CXXC5: variants seen among roughly 807,000 people sequenced by gnomAD.
CXXC5 encodes CXXC finger protein 5.
CXXC5 carries 2 observed loss-of-function variants against 17.6 expected under a neutral mutation model. The ratio of observed to expected loss-of-function variants is 0.11; its 90% CI spans 0.05 to 0.36. The LOEUF is 0.36. Among genes scored for constraint, CXXC5 ranks in the 10% least tolerant of loss-of-function variants. CXXC5 has a pLI of 1.00. For synonymous variants in CXXC5, 171 were observed against 193.0 expected (o/e 0.89, Z 0.94); for missense variants, 343 against 458.3 (o/e 0.75, Z 2.30).
chr5:139,681,625 G>A (rs1175957578), intron 2 of CXXC5, among the ~76,000 whole-genome samples, 178 bp downstream of exon 2: 1 of 152,182 alleles, frequency 6.6e-6, no homozygotes, highest in Non-Finnish European at 1.5e-5. Flanking sequence ...CCAAAAGTCA[G>A]AGCCACATTC....
At chr5:139,655,696 C>T (rs931882483) in intron 1 of CXXC5, among the ~76,000 whole-genome samples, 2 of 152,104 alleles carry the variant, frequency 1.3e-5, no homozygotes, top group South Asian at 2.1e-4. Context: ...ACAGAAACCG[C>T]GGCAACTGGT....
Position 139,668,975 on chromosome 5 carries a change from G to T in CXXC5, c.-160-11389G>T, listed in dbSNP as rs1756292686. Among the ~76,000 whole-genome samples the T allele has an allele frequency of 1.3e-5, 2 of 152,142 alleles. No homozygotes were observed. The highest frequency in any genetic ancestry group is 4.8e-5 in the African/African-American group (2 of 41,432). The stretch of plus-strand genomic sequence containing the variant: ...TATACCCCTCCCAGTCTCCTCTCTT[G>T]GGGGGTTGCTGAGGGGGTGGAGGTA... On this transcript the variant is annotated intron_variant, in intron 1 of 2. Coordinates refer to ENST00000302517, the MANE Select transcript of CXXC5 (RefSeq NM_016463.9). The surrounding 1 kb of genome is among the most constrained non-coding windows in gnomAD (Gnocchi z 4.1).
rs114311514 is a variant in CXXC5, at chr5:139,670,124, C to T, written c.-160-10240C>T. On this transcript the variant is annotated intron_variant, in intron 1 of 2. Transcript: ENST00000302517. The surrounding 1 kb of genome is among the most constrained non-coding windows in gnomAD (Gnocchi z 4.2). ...ACCAGCCGGCTCGGCCCCATGGCCCCTCTCGCCTCATTATTTTTGTGTTCC... is the reference window on the plus strand; with the variant it reads ...ACCAGCCGGCTCGGCCCCATGGCCCTTCTCGCCTCATTATTTTTGTGTTCC... Among the ~76,000 whole-genome samples, 1,205 of 152,296 alleles carry T rather than the reference C, an allele frequency of 7.9e-3. 13 individuals carry two copies. Among genetic ancestry groups the T allele is most frequent in the Middle Eastern group, 0.037 (11 of 294 alleles).
At chr5:139,662,088 A>AG (rs34367799) in intron 1 of CXXC5, among the ~76,000 whole-genome samples, 70,404 of 151,962 alleles carry the variant, frequency 0.46, 18,614 homozygotes, top group African/African-American at 0.73. Context: ...GGGAGGTGAC[A>AG]GGGTGTGCCA....
At chr5:139,655,282 GC>G (rs1755426881) in intron 1 of CXXC5, among the ~76,000 whole-genome samples, 1 of 152,122 alleles carries the variant, frequency 6.6e-6, no homozygotes, top group Non-Finnish European at 1.5e-5. Flanking sequence ...AGGTGGGGCA[GC>G]CCTCCGCCTC....
intron 1 of CXXC5, among the ~76,000 whole-genome samples, chr5:139,650,077 T>C (rs895988147): frequency 2.0e-5 from 3 of 152,106 alleles, no homozygotes; most frequent in Non-Finnish European, 4.4e-5. Context: ...CAAGATCTCT[T>C]TTTGTTCTTT....
At position 139,657,989 on chromosome 5, in the gene CXXC5, T is replaced by G. The variant is rs1031058256; in HGVS notation, c.-161+9144T>G. Among the ~76,000 whole-genome samples the G allele has an allele frequency of 4.0e-5, 6 of 151,324 alleles. No individual in the cohort carries two copies. In the South Asian group the frequency reaches 1.3e-3, roughly 32 times the overall value. ...TCCTGACATCTGTGGCATTAGTGGC[T>G]GTGTGTGCCAGGAGGAGGTGGCCTG... On this transcript the variant is annotated intron_variant, in intron 1 of 2. Coordinates refer to ENST00000302517, the MANE Select transcript of CXXC5 (RefSeq NM_016463.9).
rs1054364648 is a variant in CXXC5, at chr5:139,668,221, T to C, written c.-160-12143T>C. On this transcript the variant is annotated intron_variant, in intron 1 of 2. Transcript: ENST00000302517. The surrounding 1 kb of genome is among the most constrained non-coding windows in gnomAD (Gnocchi z 4.1). ...AAATGAAACCAATTAAGGACAAACT[T>C]TGAAAGCCTCTAATTGCTGCGCCTG... Among the ~76,000 whole-genome samples the C allele has an allele frequency of 6.6e-6, 1 of 151,890 alleles. No individual in the cohort carries two copies. Among genetic ancestry groups the C allele is most frequent in the African/African-American group, 2.4e-5 (1 of 41,324 alleles).
chr5:139,658,501 A>G lies in CXXC5; in HGVS notation c.-161+9656A>G, dbSNP rs951056132. On this transcript the variant is annotated intron_variant, in intron 1 of 2. Transcript: ENST00000302517. This position sits in a 1 kb window ranked among gnomAD's most constrained non-coding sequence, Gnocchi z 4.1. Reference sequence around the variant, plus strand: ...AGAAATACCTGTTCTGCCCCTAGCCAGCCCCTCTCTGGAGCTCTAGCCGGT... The same window carrying G: ...AGAAATACCTGTTCTGCCCCTAGCCGGCCCCTCTCTGGAGCTCTAGCCGGT... Among the ~76,000 whole-genome samples the G allele has an allele frequency of 6.6e-6, 1 of 152,198 alleles. No individual in the cohort carries two copies. Among genetic ancestry groups the G allele is most frequent in the African/African-American group, 2.4e-5 (1 of 41,442 alleles).
At position 139,680,583 on chromosome 5, in the gene CXXC5, T is replaced by A; in HGVS notation, c.60T>A (p.Asn20Lys). The change falls in exon 2 of 3, where the codon AAT becomes AAA. Residue 20 changes from asparagine (N) to lysine (K), a missense_variant. Asn to Lys is a moderately conservative substitution (Grantham distance 94). This residue lies in a region of CXXC5 where 297 missense variants were observed against 363.4 expected (regional missense o/e 0.82). Transcript: ENST00000302517. ...DAGGSSSSSTNGSGGSGSSGP... is the reference protein window; with the variant it reads ...DAGGSSSSSTKGSGGSGSSGP... ...GCGGCAGTAGCAGCAGCAGCACCAA[T>A]GGCAGCGGTGGCAGTGGCAGCAGTG... The A allele has an allele frequency of 1.2e-6, 2 of 1,601,390 alleles. No homozygotes were observed. The highest frequency in any genetic ancestry group is 1.7e-4 in the Middle Eastern group (1 of 6,050).
chr5:139,679,419 G>A (rs924125235), intron 1 of CXXC5, among the ~76,000 whole-genome samples: 2 of 152,190 alleles, frequency 1.3e-5, no homozygotes, highest in South Asian at 2.1e-4. Context: ...TGTGCTGCTC[G>A]CCCTGTAGCA....
intron 1 of CXXC5, chr5:139,649,429 G>A (rs1244510862): frequency 2.0e-5 from 3 of 152,244 alleles, no homozygotes. Flanking sequence ...GCAGCCCTGT[G>A]TTGAGGGGCG....
chr5:139,662,906 A>G (rs1042042579), intron 1 of CXXC5, among the ~76,000 whole-genome samples: 6 of 152,150 alleles, frequency 3.9e-5, no homozygotes, highest in Non-Finnish European at 8.8e-5. Flanking sequence ...CCTGAAGTAG[A>G]TGGTGGGGTG....
rs1395363893 is a variant in CXXC5, at chr5:139,648,808, G to A, written c.-198G>A. On this transcript the variant is annotated 5_prime_UTR_variant, in exon 1 of 3. Transcript: ENST00000302517. ...CGCCCCTCCCCCTCGGCCTCGCGGC[G>A]ACGGCGGCGGTGGCGGCTTGGACGA... 5.6e-4 allele frequency: 86 copies of A among 152,898 alleles called. No individual in the cohort carries two copies. The highest frequency in any genetic ancestry group is 4.4e-5 in the Non-Finnish European group (3 of 68,486). The allele number at this position is 152,898 out of a possible 1,614,324, so 9.5% of individuals were successfully genotyped here.
chr5:139,666,067 G>A (rs1756094343), intron 1 of CXXC5, among the ~76,000 whole-genome samples: 1 of 152,164 alleles, frequency 6.6e-6, no homozygotes, highest in Admixed American at 6.5e-5. Context: ...GGGCTCAAAG[G>A]ACATTATCGG....
intron 1 of CXXC5, among the ~76,000 whole-genome samples, chr5:139,652,156 G>GCC (rs1217354231): frequency 1.1e-5 from 1 of 94,356 alleles, no homozygotes; most frequent in Non-Finnish European, 2.1e-5. Context: ...CGGCGCGCGC[G>GCC]CGCGCGCGCG....
At chr5:139,679,454 AG>A (rs1757057254) in intron 1 of CXXC5, among the ~76,000 whole-genome samples, 1 of 152,174 alleles carries the variant, frequency 6.6e-6, no homozygotes, top group South Asian at 2.1e-4. Context: ...CCCTGAAATA[AG>A]GGTTCTGCAC....
In CXXC5 at chr5:139,680,671, G is replaced by A. The variant is rs1757141679; in HGVS notation, c.148G>A (p.Ala50Thr). ...VVAAAAPASV[A>T]DDTPPPERRN... The stretch of plus-strand genomic sequence containing the variant: ...GGCTGCCGCCGCACCAGCCTCAGTG[G>A]CAGATGACACACCACCCCCCGAGCG... The change falls in exon 2 of 3, where the codon GCA (alanine) becomes ACA (threonine). Residue 50 changes from alanine (A) to threonine (T), a missense_variant. Coordinates refer to ENST00000302517, the MANE Select transcript of CXXC5 (RefSeq NM_016463.9). 3 of 1,613,308 alleles carry A rather than the reference G, an allele frequency of 1.9e-6. No individual in the cohort carries two copies. The highest frequency in any genetic ancestry group is 2.5e-6 in the Non-Finnish European group (3 of 1,180,026).
In CXXC5 at chr5:139,665,259, T is replaced by C. The variant is rs112129571; in HGVS notation, c.-160-15105T>C. Among the ~76,000 whole-genome samples, 284 of 152,376 alleles carry C rather than the reference T, an allele frequency of 1.9e-3. 1 individual carries two copies. The highest frequency in any genetic ancestry group is 2.9e-3 in the Non-Finnish European group (196 of 68,044). On this transcript the variant is annotated intron_variant, in intron 1 of 2. Coordinates refer to ENST00000302517, the MANE Select transcript of CXXC5 (RefSeq NM_016463.9). ...AATTAATCTCAGCCCCTTTGGGAAATTAGAACGCCGCAGCCGCGGCCTCCT... is the reference window on the plus strand; with the variant it reads ...AATTAATCTCAGCCCCTTTGGGAAACTAGAACGCCGCAGCCGCGGCCTCCT...
Sources: allele counts gnomAD v4.1 joint callset (sites outside exome capture counted in the v4.1 genomes callset), GRCh38; gene constraint gnomAD v4.1.1; regional missense constraint gnomAD v4.1.1; non-coding constraint Gnocchi (gnomAD v3.1); transcripts MANE v1.5; gene names NCBI Gene and HGNC (gene_info 2026-07-23, HGNC 2026-07-21).